LAMA2: variants seen among roughly 807,000 people sequenced by gnomAD.
LAMA2 encodes the protein laminin subunit alpha 2.
A neutral mutation model predicts 364.8 loss-of-function variants in LAMA2; 269 were observed. The ratio of observed to expected loss-of-function variants is 0.74; its 90% CI spans 0.67 to 0.82. The LOEUF (loss-of-function observed/expected upper bound fraction) is 0.82, where lower values mean the gene tolerates loss of function less well. Ranked by LOEUF, LAMA2 falls within the 40% of genes least tolerant of loss-of-function variation. The pLI is 0.00. For missense variants in LAMA2, 3,807 were observed against 3,873.2 expected (o/e 0.98, Z 0.45); for synonymous variants, 1,379 against 1,370.6 (o/e 1.01, Z -0.14).
At chr6:128,980,443 A>G (rs1289492505) in intron 1 of LAMA2, among the ~76,000 whole-genome samples, 1 of 152,220 alleles carries the variant, frequency 6.6e-6, no homozygotes, top group Non-Finnish European at 1.5e-5. Context: ...GCACGTGACC[A>G]TTCACAGAAG....
rs532977404 is a variant in LAMA2, at chr6:128,982,809, T to C, written c.113-67109T>C. ...CCAGAGTGTGATGTTCCCCTTCTTG[T>C]GTCCATGTGTTCTCATTGTTCAATT... On this transcript the variant is annotated intron_variant, in intron 1 of 64. Coordinates refer to ENST00000421865, the MANE Select transcript of LAMA2 (RefSeq NM_000426.4). Among the ~76,000 whole-genome samples, 1,092 of 137,984 alleles carry C rather than the reference T, an allele frequency of 7.9e-3. 14 individuals are homozygous for C. Among genetic ancestry groups the C allele is most frequent in the African/African-American group, 0.028 (1,029 of 37,070 alleles). The allele number at this position is 137,984 out of a possible 152,430, so 90.5% of individuals were successfully genotyped here. A position where few individuals can be genotyped will look rare whatever the true frequency, so the allele number is the denominator to read the frequency against.
At chr6:129,451,883 T>C (rs954453263) in intron 45 of LAMA2, among the ~76,000 whole-genome samples, 14 of 152,174 alleles carry the variant, frequency 9.2e-5, no homozygotes, top group Non-Finnish European at 1.6e-4. Flanking sequence ...GGCTATCTTG[T>C]TGGGAGTCTG....
intron 1 of LAMA2, among the ~76,000 whole-genome samples, chr6:129,031,940 C>T (rs1374577046): frequency 6.6e-6 from 1 of 152,178 alleles, no homozygotes; most frequent in Non-Finnish European, 1.5e-5. Flanking sequence ...CTGCCTTATC[C>T]TCCCGAGTAG....
chr6:128,913,223 G>T (rs555267517), intron 1 of LAMA2, among the ~76,000 whole-genome samples: 33 of 152,222 alleles, frequency 2.2e-4, no homozygotes, highest in African/African-American at 7.7e-4. Flanking sequence ...GATCATTAGC[G>T]CATTGACAAT....
chr6:129,406,338 C>T (rs1415303285), intron 40 of LAMA2, among the ~76,000 whole-genome samples: 1 of 152,124 alleles, frequency 6.6e-6, no homozygotes, highest in African/African-American at 2.4e-5. Context: ...GTAATAGCTA[C>T]TTGTCTTGCA....
At chr6:129,208,157 C>T (rs1782806044) in intron 12 of LAMA2, among the ~76,000 whole-genome samples, 1 of 152,128 alleles carries the variant, frequency 6.6e-6, no homozygotes, top group Non-Finnish European at 1.5e-5. Context: ...CATTATTTAG[C>T]ACAGGAAAGG....
At position 129,353,289 on chromosome 6, in the gene LAMA2, C is replaced by G; in HGVS notation, c.4649C>G (p.Pro1550Arg). 5 of 1,614,130 alleles carry G rather than the reference C, an allele frequency of 3.1e-6. No individual in the cohort carries two copies. Among genetic ancestry groups the G allele is most frequent in the Non-Finnish European group, 4.2e-6 (5 of 1,179,988 alleles). The change falls in exon 32 of 65, where the codon CCT becomes CGT. Residue 1550 changes from proline to arginine, a missense_variant. Around this residue, in one of 3 missense-constraint regions of LAMA2, gnomAD observed 3,333 missense variants for 3,345.7 expected, o/e 1.00. Coordinates refer to ENST00000421865, the MANE Select transcript of LAMA2 (RefSeq NM_000426.4). ...GTCACAGGATTCTGCACGTGCCGAC[C>G]TGGAGCCACGGGAAGGAAGTGTGAC... The part of the protein sequence containing the change: ...DPVTGFCTCR[P>R]GATGRKCDGC...
At chr6:129,340,296 A>AT (rs766094026) in intron 29 of LAMA2, among the ~76,000 whole-genome samples, 66 of 149,980 alleles carry the variant, frequency 4.4e-4, no homozygotes, top group Non-Finnish European at 7.3e-4. Flanking sequence ...GACCTCACAG[A>AT]TTTTTTTTTT....
intron 37 of LAMA2, among the ~76,000 whole-genome samples, chr6:129,397,033 A>G (rs1779692798): frequency 6.6e-6 from 1 of 151,784 alleles, no homozygotes; most frequent in South Asian, 2.1e-4. Context: ...AAACAATAAT[A>G]GACAGGAAGA....
At chr6:129,347,908 AT>A (rs1046933449) in intron 30 of LAMA2, among the ~76,000 whole-genome samples, 1 of 152,168 alleles carries the variant, frequency 6.6e-6, no homozygotes, top group Non-Finnish European at 1.5e-5. Context: ...ACACTTTATT[AT>A]TTTTTTATTG....
chr6:129,454,273 G>A lies in LAMA2; in HGVS notation c.6692G>A (p.Arg2231His), dbSNP rs142536231. ...ACTATTGATGACTCATATTGGTACC[G>A]TATCGTAGCATCAAGGTAACCAACT... Reference protein sequence around the residue: ...DLTIDDSYWYRIVASRTGRNG... With the variant: ...DLTIDDSYWYHIVASRTGRNG... The change falls in exon 47 of 65, where the codon CGT becomes CAT. Residue 2231 changes from arginine (R) to histidine (H), a missense_variant. Arg to His is a conservative substitution (Grantham distance 29). This residue lies in a region of LAMA2 where 3,333 missense variants were observed against 3,345.7 expected (regional missense o/e 1.00). Coordinates refer to ENST00000421865, the MANE Select transcript of LAMA2 (RefSeq NM_000426.4). The A allele has an allele frequency of 7.3e-5, 118 of 1,610,744 alleles. 1 individual carries two copies. In the Middle Eastern group the frequency reaches 8.2e-4, roughly 11 times the overall value.
At position 129,182,143 on chromosome 6, in the gene LAMA2, C is replaced by A. The variant is rs116914504; in HGVS notation, c.1467+4277C>A. Among the ~76,000 whole-genome samples, 30 of 151,888 alleles carry A rather than the reference C, an allele frequency of 2.0e-4. 1 individual carries two copies. The East Asian group carries it at 5.6e-3, about 28-fold the overall frequency. On this transcript the variant is annotated intron_variant, in intron 10 of 64. Transcript: ENST00000421865. ...ATACTTAGAATAGCAAGAAAAACTT[C>A]ATGATACCTAAAAATAAGTGTTTGT...
chr6:129,059,494 T>C (rs1238323236), intron 2 of LAMA2, among the ~76,000 whole-genome samples: 1 of 152,186 alleles, frequency 6.6e-6, no homozygotes, highest in Non-Finnish European at 1.5e-5. Context: ...TTAATTTCTG[T>C]AGTTACCTTT....
At chr6:129,427,686 T>C in intron 40 of LAMA2, 66 bp from the exon 41 acceptor site, 1 of 1,178,298 alleles carries the variant, frequency 8.5e-7, no homozygotes, top group Non-Finnish European at 1.3e-6. Context: ...ACCAACTGCC[T>C]TCTGGATCCC....
chr6:129,315,674 A>G lies in LAMA2; in HGVS notation c.3735+19A>G, dbSNP rs1774544433. The G allele has an allele frequency of 3.7e-6, 6 of 1,612,802 alleles. No homozygotes were observed. The highest frequency in any genetic ancestry group is 5.1e-6 in the Non-Finnish European group (6 of 1,178,818). On this transcript the variant is annotated intron_variant, in intron 25 of 64. Coordinates refer to ENST00000421865, the MANE Select transcript of LAMA2 (RefSeq NM_000426.4). ...AAAGAAGGTAAGCACAAGAACTTTA[A>G]TGTCAAGTGAGAACAAGATAAAATC...
At chr6:129,465,423 T>G in intron 51 of LAMA2, 134 bp downstream of exon 51, 1 of 772,576 alleles carries the variant, frequency 1.3e-6, no homozygotes, top group Non-Finnish European at 2.2e-6. Context: ...ATACAGTCAT[T>G]TTTTTGGCTT....
intron 12 of LAMA2, among the ~76,000 whole-genome samples, chr6:129,238,960 T>G (rs1017861888): frequency 6.6e-6 from 1 of 152,180 alleles, no homozygotes; most frequent in Non-Finnish European, 1.5e-5. Context: ...TTTCAAATTT[T>G]AAAAATCCAG....
Position 129,403,865 on chromosome 6 carries a change from C to A in LAMA2, c.5771C>A (p.Ala1924Asp). The change falls in exon 40 of 65, where the codon GCC (alanine) becomes GAC (aspartate). Residue 1924 changes from alanine to aspartate, a missense_variant. Ala to Asp is a moderately radical substitution (Grantham distance 126, BLOSUM62 -2). Transcript: ENST00000421865. Reference sequence around the variant, plus strand: ...AACATCTCCTTCAATGCCACTGCAGCCTTCAAAGCTTACAGCAATATTAAG... The same window carrying A: ...AACATCTCCTTCAATGCCACTGCAGACTTCAAAGCTTACAGCAATATTAAG... ...AKNISFNATA[A>D]FKAYSNIKDY... 6.2e-7 allele frequency: 1 copy of A among 1,613,750 alleles called. No individual in the cohort carries two copies. The highest frequency in any genetic ancestry group is 8.5e-7 in the Non-Finnish European group (1 of 1,179,734).
At chr6:129,178,584 C>T (rs1217728515) in intron 10 of LAMA2, among the ~76,000 whole-genome samples, 6 of 152,116 alleles carry the variant, frequency 3.9e-5, no homozygotes, top group Admixed American at 3.3e-4. Flanking sequence ...TGTATAACTA[C>T]ATTAGCTGAG....
Sources: allele counts gnomAD v4.1 joint callset (sites outside exome capture counted in the v4.1 genomes callset), GRCh38; gene constraint gnomAD v4.1.1; regional missense constraint gnomAD v4.1.1; transcripts MANE v1.5; gene names NCBI Gene and HGNC (gene_info 2026-07-23, HGNC 2026-07-21).